Variants in ACTN2 observed in about 807,000 individuals in gnomAD.
The protein encoded by ACTN2 is actinin alpha 2, also known as alpha-actinin-2.
Under a neutral mutation model 113.8 loss-of-function variants are expected in ACTN2, and 39 were observed. The observed-to-expected ratio is 0.34, with a 90% confidence interval of 0.27 to 0.45. The LOEUF (loss-of-function observed/expected upper bound fraction) is 0.45. Ranked by LOEUF, ACTN2 falls within the 20% of genes least tolerant of loss-of-function variation. The pLI is 1.00. For missense variants in ACTN2, 992 were observed against 1,177.9 expected (o/e 0.84, Z 2.31); for synonymous variants, 429 against 444.1 (o/e 0.97, Z 0.43).
At position 236,726,002 on chromosome 1, in the gene ACTN2, T is replaced by C; in HGVS notation, c.518T>C (p.Ile173Thr). The part of the protein sequence containing the change: ...RKTAPYRNVN[I>T]QNFHTSWKDG... The stretch of plus-strand genomic sequence containing the variant: ...ACTGCTCCTTATAGAAATGTGAACA[T>C]TCAGAACTTCCATACTAGGTGAGCA... Residue 173 changes from isoleucine (I) to threonine (T), a missense_variant, in exon 5 of 21, where the codon ATT becomes ACT. Around this residue, in one of 3 missense-constraint regions of ACTN2, gnomAD observed 220 missense variants for 337.5 expected, o/e 0.65. Transcript: ENST00000366578. 1.2e-6 allele frequency: 2 copies of C among 1,614,114 alleles called. No individual in the cohort carries two copies. Among genetic ancestry groups the C allele is most frequent in the Non-Finnish European group, 1.7e-6 (2 of 1,179,980 alleles).
intron 10 of ACTN2, among the ~76,000 whole-genome samples, chr1:236,741,898 A>G (rs1659078812): frequency 6.6e-6 from 1 of 152,182 alleles, no homozygotes; most frequent in Non-Finnish European, 1.5e-5. Flanking sequence ...CTGGCCTATA[A>G]GGGCCTGCAT....
In ACTN2 at chr1:236,761,101, G is replaced by T; in HGVS notation, c.2454G>T (p.Met818Ile). 6.2e-7 allele frequency: 1 copy of T among 1,614,106 alleles called. No individual in the cohort carries two copies. Among genetic ancestry groups the T allele is most frequent in the Non-Finnish European group, 8.5e-7 (1 of 1,180,014 alleles). ...TVTFQSFIDFMTRETADTDTA... is the reference protein window; with the variant it reads ...TVTFQSFIDFITRETADTDTA... ...CCTTCCAATCCTTCATCGACTTCAT[G>T]ACTAGAGAGACGGCTGACACCGACA... is the stretch of plus-strand genomic sequence containing the variant. Residue 818 changes from methionine to isoleucine, a missense_variant, in exon 20 of 21, where the codon ATG (methionine) becomes ATT (isoleucine). Met to Ile is a conservative substitution (Grantham distance 10, BLOSUM62 1). This residue lies in a region of ACTN2 where 736 missense variants were observed against 815.4 expected (regional missense o/e 0.90). Coordinates refer to ENST00000366578, the MANE Select transcript of ACTN2 (RefSeq NM_001103.4).
At chr1:236,701,720 A>T (rs10802556) in intron 1 of ACTN2, among the ~76,000 whole-genome samples, 21,631 of 152,252 alleles carry the variant, frequency 0.14, 1,613 homozygotes, top group South Asian at 0.24. Flanking sequence ...TGGACCAGTT[A>T]CCAAAGTCCT....
intron 12 of ACTN2, among the ~76,000 whole-genome samples, chr1:236,747,152 G>T (rs1251366130): frequency 6.6e-6 from 1 of 152,200 alleles, no homozygotes; most frequent in East Asian, 1.9e-4. Flanking sequence ...CCAAGAAAAG[G>T]AAGGGGAAAT....
At position 236,763,878 on chromosome 1, in the gene ACTN2, G is replaced by A. The variant is rs923309936; in HGVS notation, c.*1259G>A. 4.6e-5 allele frequency: 7 copies of A among 152,172 alleles called. No individual in the cohort carries two copies. Among genetic ancestry groups the A allele is most frequent in the Non-Finnish European group, 8.8e-5 (6 of 68,030 alleles). 9.4% of individuals were successfully genotyped at this position (152,172 alleles called of 1,614,324 possible). On this transcript the variant is annotated 3_prime_UTR_variant, in exon 21 of 21. Transcript: ENST00000366578. ...CTTTCTTTTTGCTCATACTGCTGTA[G>A]GCTATAATTCCCCCCTGTTTTTCCA...
chr1:236,712,294 A>C (rs1226634663), intron 1 of ACTN2, among the ~76,000 whole-genome samples: 1 of 152,204 alleles, frequency 6.6e-6, no homozygotes, highest in Non-Finnish European at 1.5e-5. Flanking sequence ...AAAATTAAAC[A>C]TTCTAATAAA....
chr1:236,720,038 A>G (rs1431244235), intron 3 of ACTN2, 67 bp from the exon 4 acceptor site: 2 of 1,067,092 alleles, frequency 1.9e-6, no homozygotes, highest in South Asian at 1.3e-5. Context: ...CAACATTTAT[A>G]TATAGGAAAA....
At chr1:236,721,022 GT>G (rs869077774) in intron 4 of ACTN2, among the ~76,000 whole-genome samples, 1,029 of 66,448 alleles carry the variant, frequency 0.015, 231 homozygotes, top group Non-Finnish European at 0.021. Context: ...TTTGTTTTTT[GT>G]TTTTTTTTTT....
intron 1 of ACTN2, among the ~76,000 whole-genome samples, chr1:236,688,048 A>T (rs1173388381): frequency 2.6e-5 from 4 of 152,202 alleles, no homozygotes; most frequent in Non-Finnish European, 5.9e-5. Context: ...CAAAACTTCA[A>T]GCCGTCTACT....
At chr1:236,752,112 A>C (rs139433263) in intron 15 of ACTN2, among the ~76,000 whole-genome samples, 1 of 152,352 alleles carries the variant, frequency 6.6e-6, no homozygotes, top group East Asian at 1.9e-4. Context: ...ATTCTTACTA[A>C]CTTGCAGCCT....
intron 14 of ACTN2, among the ~76,000 whole-genome samples, chr1:236,750,824 C>T (rs916420850): frequency 6.6e-6 from 1 of 152,128 alleles, no homozygotes; most frequent in African/African-American, 2.4e-5. Context: ...CATGGTGGCT[C>T]ATACCTGTAA....
intron 8 of ACTN2, among the ~76,000 whole-genome samples, chr1:236,736,177 CAG>C (rs1448040883): frequency 6.6e-6 from 1 of 152,210 alleles, no homozygotes; most frequent in African/African-American, 2.4e-5. Flanking sequence ...GAGGGGATAA[CAG>C]AGTTGGAACC....
chr1:236,711,135 C>A (rs1021603563), intron 1 of ACTN2, among the ~76,000 whole-genome samples: 2 of 152,202 alleles, frequency 1.3e-5, no homozygotes, highest in African/African-American at 4.8e-5. Context: ...TGGAGAGCAT[C>A]TGCACCCACT....
Position 236,754,180 on chromosome 1 carries a change from C to A in ACTN2, c.1974+99C>A. Reference sequence around the variant, plus strand: ...GCACATGCTGTGGTTTCCAGCCACCCACTCAGTCAGGTGGGAGCACCGTTC... The same window carrying A: ...GCACATGCTGTGGTTTCCAGCCACCAACTCAGTCAGGTGGGAGCACCGTTC... On this transcript the variant is annotated intron_variant, in intron 16 of 20. Transcript: ENST00000366578. The surrounding 1 kb of genome is among the most constrained non-coding windows in gnomAD (Gnocchi z 4.9). The A allele has an allele frequency of 6.6e-7, 1 of 1,516,012 alleles. No homozygotes were observed. The highest frequency in any genetic ancestry group is 1.1e-5 in the South Asian group (1 of 88,444). 93.9% of individuals were successfully genotyped at this position (1,516,012 alleles called of 1,614,324 possible).
At chr1:236,736,880 C>T in intron 8 of ACTN2, 1 of 605,314 alleles carries the variant, frequency 1.7e-6, no homozygotes, top group Non-Finnish European at 3.0e-6. Flanking sequence ...TGCTCTCTCC[C>T]CGTTATTCCC....
intron 1 of ACTN2, among the ~76,000 whole-genome samples, chr1:236,703,433 C>CTTTTTTTTT (rs35432183): frequency 7.7e-4 from 76 of 98,806 alleles, no homozygotes; most frequent in Non-Finnish European, 1.0e-3. Context: ...GGCCTACTAC[C>CTTTTTTTTT]TTTTTTTTTT....
chr1:236,713,367 A>G (rs926312885), intron 1 of ACTN2, among the ~76,000 whole-genome samples: 2 of 151,958 alleles, frequency 1.3e-5, no homozygotes, highest in African/African-American at 2.4e-5. Context: ...AGCTGGGATT[A>G]CAGGTGTGCA....
intron 1 of ACTN2, among the ~76,000 whole-genome samples, chr1:236,689,340 C>T (rs199543643): frequency 1.5e-4 from 5 of 32,908 alleles, no homozygotes; most frequent in South Asian, 2.0e-3. Context: ...TATATATATA[C>T]ACACACATAT....
chr1:236,758,596 TTTTTGTTTTG>T (rs71178352), intron 18 of ACTN2, among the ~76,000 whole-genome samples: 57 of 146,346 alleles, frequency 3.9e-4, no homozygotes, highest in South Asian at 1.1e-3. Context: ...GCCTTTTTTC[TTTTTGTTTTG>T]TTTTGTTTTG....
Sources: allele counts gnomAD v4.1 joint callset (sites outside exome capture counted in the v4.1 genomes callset), GRCh38; gene constraint gnomAD v4.1.1; regional missense constraint gnomAD v4.1.1; non-coding constraint Gnocchi (gnomAD v3.1); transcripts MANE v1.5; gene names NCBI Gene and HGNC (gene_info 2026-07-23, HGNC 2026-07-21).